The following AMPD3 variants were observed in gnomAD, a reference collection of about 807,000 sequenced individuals.
AMPD3 encodes adenosine monophosphate deaminase 3.
A neutral mutation model predicts 82.3 loss-of-function variants in AMPD3; 57 were observed. The ratio of observed to expected loss-of-function variants is 0.69; its 90% CI spans 0.56 to 0.86. The LOEUF is 0.86. Ranked by LOEUF, AMPD3 falls within the 40% of genes least tolerant of loss-of-function variation. The pLI is 0.00. For synonymous variants in AMPD3, 381 were observed against 394.7 expected (o/e 0.97, Z 0.41); for missense variants, 870 against 1,003.8 (o/e 0.87, Z 1.80).
rs1209583395 is a variant in AMPD3, at chr11:10,505,758, A to T, written c.2178A>T (p.Gly726=). Residue 726 remains glycine (G), a synonymous_variant, in exon 15 of 15, where the codon GGA becomes GGT. Coordinates refer to ENST00000396553, the MANE Select transcript of AMPD3 (RefSeq NM_001025389.2). ...GQNYYKEGPE[G]NDIRKTNVAQ... ...ATTATTATAAAGAAGGACCTGAAGG[A>T]AATGATATTCGAAAGACAAATGTGG... The T allele has an allele frequency of 6.2e-6, 10 of 1,614,138 alleles. No individual in the cohort carries two copies. The highest frequency in any genetic ancestry group is 8.5e-6 in the Non-Finnish European group (10 of 1,180,050).
At chr11:10,461,259 A>C (rs2133822536) in intron 1 of AMPD3, 1 of 1,388,982 alleles carries the variant, frequency 7.2e-7, no homozygotes, top group Non-Finnish European at 9.4e-7. Flanking sequence ...ATGGAAGCCC[A>C]CCTAGTTGAA....
intron 5 of AMPD3, among the ~76,000 whole-genome samples, chr11:10,486,090 G>A (rs1849060130): frequency 6.6e-6 from 1 of 152,190 alleles, no homozygotes; most frequent in Non-Finnish European, 1.5e-5. Flanking sequence ...GGCATGGGAA[G>A]GGCAGGGGCG....
intron 12 of AMPD3, 88 bp downstream of exon 12, chr11:10,501,678 G>A: frequency 6.2e-7 from 1 of 1,609,654 alleles, no homozygotes; most frequent in Non-Finnish European, 8.5e-7. Flanking sequence ...CAGAAGGCTG[G>A]GCCCTCTTCT....
intron 2 of AMPD3, among the ~76,000 whole-genome samples, chr11:10,465,839 T>TA (rs1308888321): frequency 6.6e-6 from 1 of 151,716 alleles, no homozygotes; most frequent in Non-Finnish European, 1.5e-5. Context: ...TTTTTTTTTT[T>TA]TCTGTACCCC....
intron 5 of AMPD3, chr11:10,486,982 A>G: frequency 1.0e-6 from 1 of 985,412 alleles, no homozygotes; most frequent in Non-Finnish European, 1.2e-6. Context: ...ATAAACAAGA[A>G]GTCAAAACAC....
intron 2 of AMPD3, among the ~76,000 whole-genome samples, chr11:10,468,710 C>G (rs148488328): frequency 8.5e-5 from 13 of 152,346 alleles, no homozygotes; most frequent in Non-Finnish European, 1.8e-4. Context: ...CACCTCATCA[C>G]ACTTACTTTA....
intron 9 of AMPD3, chr11:10,496,211 A>T: frequency 1.0e-6 from 1 of 985,330 alleles, no homozygotes; most frequent in Non-Finnish European, 1.2e-6. Flanking sequence ...CACTGCATCC[A>T]GCTGACACTA....
intron 4 of AMPD3, among the ~76,000 whole-genome samples, chr11:10,483,147 T>C (rs1848963095): frequency 6.6e-6 from 1 of 152,206 alleles, no homozygotes; most frequent in South Asian, 2.1e-4. Flanking sequence ...GAGTGTTCAA[T>C]AAATGGTAGC....
rs1352174635 is a variant in AMPD3, at chr11:10,496,917, G to A, written c.1536G>A (p.Glu512=). The change falls in exon 10 of 15, where the codon GAG becomes GAA. Residue 512 remains glutamate, a synonymous_variant. Coordinates refer to ENST00000396553, the MANE Select transcript of AMPD3 (RefSeq NM_001025389.2). ...KATINPQDHR[E]LHLFLKYVTG... is the part of the protein sequence containing the mutation. Reference sequence around the variant, plus strand: ...CTATCAACCCCCAAGATCATCGAGAGCTTCACCTCTTCCTTAAATATGTAA... The same window carrying A: ...CTATCAACCCCCAAGATCATCGAGAACTTCACCTCTTCCTTAAATATGTAA... 4 of 1,614,112 alleles carry A rather than the reference G, an allele frequency of 2.5e-6. No individual in the cohort carries two copies. The highest frequency in any genetic ancestry group is 3.3e-5 in the Admixed American group (2 of 60,026).
chr11:10,486,024 C>T (rs146347189), intron 5 of AMPD3, among the ~76,000 whole-genome samples: 1 of 152,040 alleles, frequency 6.6e-6, no homozygotes, highest in East Asian at 1.9e-4. Context: ...CATAGTGAGC[C>T]CAATGTGGAT....
At chr11:10,473,606 A>T (rs1468494301) in intron 2 of AMPD3, 1 of 985,198 alleles carries the variant, frequency 1.0e-6, no homozygotes, top group Non-Finnish European at 1.2e-6. Flanking sequence ...GATGCTGGTC[A>T]TCTGGCTGCA....
chr11:10,468,289 C>T (rs1564841518), intron 2 of AMPD3, among the ~76,000 whole-genome samples: 1 of 149,286 alleles, frequency 6.7e-6, no homozygotes, highest in African/African-American at 2.5e-5. Flanking sequence ...AGTGCAAAGA[C>T]AGACATAGGC....
intron 13 of AMPD3, among the ~76,000 whole-genome samples, chr11:10,503,267 A>G (rs1018000886): frequency 2.0e-5 from 3 of 152,236 alleles, no homozygotes; most frequent in African/African-American, 7.2e-5. Context: ...ATAATGAATC[A>G]AAGGTTCTAA....
upstream of AMPD3, among the ~76,000 whole-genome samples, chr11:10,453,230 C>T (rs943936177): frequency 2.0e-5 from 3 of 152,236 alleles, no homozygotes; most frequent in Non-Finnish European, 2.9e-5. Context: ...GGATTACAGG[C>T]GTGAGCCACC....
rs142525133 is a variant in AMPD3, at chr11:10,505,273, G to A, written c.2128-435G>A. On this transcript the variant is annotated intron_variant, in intron 14 of 14. Transcript: ENST00000396553. ...AGAGGTTGCATTAGGGGCTGTGCTC[G>A]TCGGATGATGATGCAGCAGAGTTAA... is the stretch of plus-strand genomic sequence containing the variant. 225 of 978,276 alleles carry A rather than the reference G, an allele frequency of 2.3e-4. No homozygotes were observed. In the African/African-American group the frequency reaches 3.4e-3, roughly 15 times the overall value. The allele number at this position is 978,276 out of a possible 1,614,324, so 60.6% of individuals were successfully genotyped here. A position where few individuals can be genotyped will look rare whatever the true frequency, so the allele number is the denominator to read the frequency against.
At chr11:10,453,570 ATCTT>A (rs1332338480), upstream of AMPD3, among the ~76,000 whole-genome samples, 1 of 151,836 alleles carries the variant, frequency 6.6e-6, no homozygotes, top group Non-Finnish European at 1.5e-5. Flanking sequence ...GGAGAGTGAT[ATCTT>A]TCTTTTTCTT....
intron 6 of AMPD3, among the ~76,000 whole-genome samples, chr11:10,487,895 G>A (rs758048631): frequency 1.3e-5 from 2 of 152,094 alleles, no homozygotes; most frequent in Admixed American, 6.5e-5. Context: ...GTTGATAGGT[G>A]CAGCAAACCA....
chr11:10,503,493 G>A (rs1056224977), intron 13 of AMPD3, among the ~76,000 whole-genome samples: 2 of 152,144 alleles, frequency 1.3e-5, no homozygotes, highest in South Asian at 4.1e-4. Flanking sequence ...TAGGACAGAG[G>A]TTCTCCAACC....
chr11:10,503,670 C>T (rs1027865909), intron 13 of AMPD3, among the ~76,000 whole-genome samples: 2 of 152,120 alleles, frequency 1.3e-5, no homozygotes, highest in African/African-American at 4.8e-5. Context: ...TGAAATGTTA[C>T]ATAATAATGA....
Sources: gnomAD v4.1 joint callset for allele counts (sites outside exome capture counted in the v4.1 genomes callset) on GRCh38, gnomAD v4.1.1 for gene constraint, MANE v1.5 for transcripts, NCBI Gene and HGNC (gene_info 2026-07-23, HGNC 2026-07-21) for gene names.